The following LTF variants were observed in gnomAD, a reference collection of about 807,000 sequenced individuals.
LTF encodes lactotransferrin.
LTF carries 91 observed loss-of-function variants against 87.2 expected under a neutral mutation model. The observed-to-expected ratio is 1.04, with a 90% CI of 0.88 to 1.24. LTF has a LOEUF of 1.24. LTF is among the 50% of genes most tolerant of loss of function. The probability of loss-of-function intolerance (pLI) is 0.00; values close to 1 mark genes in which losing one functional copy is unlikely to be tolerated. For missense variants in LTF, 901 were observed against 904.3 expected, an observed-to-expected ratio of 1.00 and a Z score of 0.05; for synonymous variants, 378 against 356.1, an observed-to-expected ratio of 1.06 and a Z score of -0.69.
At chr3:46,463,906 T>G (rs1354345218) in intron 1 of LTF, among the ~76,000 whole-genome samples, 1 of 152,186 alleles carries the variant, frequency 6.6e-6, no homozygotes, top group Non-Finnish European at 1.5e-5. Context: ...GGGCTCCCAC[T>G]GCTGCTCTCT....
At position 46,450,659 on chromosome 3, in the gene LTF, C is replaced by T. The variant is rs74762169; in HGVS notation, c.718G>A (p.Glu240Lys). The T allele has an allele frequency of 1.5e-4, 244 of 1,611,218 alleles. 1 individual carries two copies. The East Asian group carries it at 5.3e-3, about 35-fold the overall frequency. Residue 240 changes from glutamate to lysine, a missense_variant, in exon 7 of 17, where the codon GAG (glutamate) becomes AAG (lysine). By Grantham distance (56) the Glu-to-Lys change is moderately conservative. Coordinates refer to ENST00000231751, the MANE Select transcript of LTF (RefSeq NM_002343.6). ...ESTVFEDLSD[E>K]AERDEYELLC... ...AACTCATACTCGTCCCTTTCAGCCT[C>T]GTCTGACAGGTCCTCTGCAGGGAAG...
At position 46,446,625 on chromosome 3, in the gene LTF, G is replaced by C. The variant is rs986355651; in HGVS notation, c.1304-132C>G. On this transcript the variant is annotated intron_variant, in intron 10 of 16. Coordinates refer to ENST00000231751, the MANE Select transcript of LTF (RefSeq NM_002343.6). Reference sequence around the variant, plus strand: ...CAGCAGTTCCATGCAGGAGAAATGCGTCTATATGTTCAACAAAAGACATGG... The same window carrying C: ...CAGCAGTTCCATGCAGGAGAAATGCCTCTATATGTTCAACAAAAGACATGG... 7 of 673,558 alleles carry C rather than the reference G, an allele frequency of 1.0e-5. No homozygotes were observed. In the African/African-American group the frequency reaches 1.3e-4, roughly 12 times the overall value. 41.7% of individuals were successfully genotyped at this position (673,558 alleles called of 1,614,324 possible).
chr3:46,482,621 A>AAAGAAAGAAAGAAAG (rs1703455083), intron 1 of LTF, among the ~76,000 whole-genome samples: 2 of 51,974 alleles, frequency 3.8e-5, no homozygotes, highest in Non-Finnish European at 4.0e-5. Context: ...AGAAAGAAAG[A>AAAGAAAGAAAGAAAG]AAGAAAGAAA....
intron 6 of LTF, 54 bp downstream of exon 6, chr3:46,454,251 T>A: frequency 6.6e-7 from 1 of 1,511,424 alleles, no homozygotes; most frequent in Non-Finnish European, 9.2e-7. Flanking sequence ...GTCAGAGTCA[T>A]GATCAAGTAA....
chr3:46,453,883 G>C (rs939387392), intron 6 of LTF: 2 of 176,674 alleles, frequency 1.1e-5, no homozygotes, highest in Admixed American at 1.1e-4. Context: ...TCAACTGTTA[G>C]GACCCCTGAG....
chr3:46,448,215 T>C (rs537163060), intron 9 of LTF, among the ~76,000 whole-genome samples: 1 of 152,044 alleles, frequency 6.6e-6, no homozygotes, highest in South Asian at 2.1e-4. Context: ...ATAATAATAA[T>C]AATTATGCAG....
At chr3:46,464,408 G>A (rs899472002) in intron 1 of LTF, among the ~76,000 whole-genome samples, 3 of 152,176 alleles carry the variant, frequency 2.0e-5, no homozygotes, top group Admixed American at 1.3e-4. Context: ...ATAAAGGCTC[G>A]GTCTTGCTGG....
chr3:46,477,031 A>G (rs1456382042), intron 1 of LTF, among the ~76,000 whole-genome samples: 2 of 152,202 alleles, frequency 1.3e-5, no homozygotes, highest in African/African-American at 4.8e-5. Flanking sequence ...TGTACTTAGG[A>G]ATGGAGTTTT....
At chr3:46,449,780 A>T in intron 8 of LTF, 74 bp downstream of exon 8, 1 of 1,540,516 alleles carries the variant, frequency 6.5e-7, no homozygotes, top group Non-Finnish European at 8.9e-7. Flanking sequence ...AGTGACCGCC[A>T]CAAAGTAGGG....
intron 13 of LTF, among the ~76,000 whole-genome samples, chr3:46,443,051 T>C (rs545772604): frequency 6.6e-6 from 1 of 152,322 alleles, no homozygotes; most frequent in East Asian, 1.9e-4. Context: ...ACCTAAGCCA[T>C]AGTCATGACC....
chr3:46,484,690 A>G (rs1703494240), intron 1 of LTF, among the ~76,000 whole-genome samples: 1 of 152,238 alleles, frequency 6.6e-6, no homozygotes, highest in South Asian at 2.1e-4. Context: ...CAAGAACATT[A>G]AAAGTGCCCA....
At chr3:46,441,891 A>G in intron 13 of LTF, 1 of 171,008 alleles carries the variant, frequency 5.8e-6, no homozygotes, top group Non-Finnish European at 1.2e-5. Context: ...TGAAACTGTG[A>G]TAGCACCCAG....
chr3:46,469,151 G>A (rs1703251982), upstream of LTF, among the ~76,000 whole-genome samples: 1 of 152,236 alleles, frequency 6.6e-6, no homozygotes, highest in Non-Finnish European at 1.5e-5. Context: ...TGTGAGTTAA[G>A]ACAGTCACTC....
intron 5 of LTF, among the ~76,000 whole-genome samples, chr3:46,454,794 G>A (rs896676135): frequency 6.6e-6 from 1 of 152,140 alleles, no homozygotes; most frequent in Non-Finnish European, 1.5e-5. Flanking sequence ...CTCAGCCTCC[G>A]CGTGGGGGCA....
chr3:46,476,301 T>C (rs750000608), intron 1 of LTF, among the ~76,000 whole-genome samples: 62 of 152,246 alleles, frequency 4.1e-4, no homozygotes, highest in Admixed American at 2.4e-3. Flanking sequence ...ATGATATCTA[T>C]TTGCTGTTGG....
chr3:46,460,587 C>G, intron 1 of LTF: 1 of 455,426 alleles, frequency 2.2e-6, no homozygotes, highest in South Asian at 1.6e-5. Flanking sequence ...TAAAAGGCAT[C>G]CACAAAAAAC....
At position 46,448,982 on chromosome 3, in the gene LTF, C is replaced by A. The variant is rs112765886; in HGVS notation, c.1093G>T (p.Val365Leu). 1.1e-5 allele frequency: 17 copies of A among 1,612,200 alleles called. No individual in the cohort carries two copies. The highest frequency in any genetic ancestry group is 1.4e-5 in the Non-Finnish European group (16 of 1,179,396). Residue 365 changes from valine to leucine, a missense_variant, in exon 9 of 17, where the codon GTG becomes TTG. Coordinates refer to ENST00000231751, the MANE Select transcript of LTF (RefSeq NM_002343.6). ...TCCTGCTCGCCCACCGCACACCACA[C>A]GACCCGCGCACGCCGGGCAGCCACT... ...EEVAARRARV[V>L]WCAVGEQELR...
rs2106846823 is a variant in LTF, at chr3:46,445,199, C to T, written c.1513+82G>A. The stretch of plus-strand genomic sequence containing the variant: ...GCCACTATCAGCCTGCAAATCCCCT[C>T]CCCTCCCTTCCCTAAGGTTCCACAG... On this transcript the variant is annotated intron_variant, in intron 12 of 16. Coordinates refer to ENST00000231751, the MANE Select transcript of LTF (RefSeq NM_002343.6). The T allele has an allele frequency of 2.9e-6, 4 of 1,375,406 alleles. No individual in the cohort carries two copies. In the East Asian group the frequency reaches 9.8e-5, roughly 34 times the overall value. The allele number at this position is 1,375,406 out of a possible 1,614,324, so 85.2% of individuals were successfully genotyped here.
Position 46,449,844 on chromosome 3 carries a change from G to A in LTF, c.1057+10C>T, listed in dbSNP as rs751455459. The A allele has an allele frequency of 6.2e-7, 1 of 1,613,772 alleles. No homozygotes were observed. Among genetic ancestry groups the A allele is most frequent in the Non-Finnish European group, 8.5e-7 (1 of 1,179,866 alleles). On this transcript the variant is annotated intron_variant, in intron 8 of 16. Coordinates refer to ENST00000231751, the MANE Select transcript of LTF (RefSeq NM_002343.6). ...CAGGCGGACCTCAGGACCCTCCTGG[G>A]CTCACTCACTTTTCCTCAAGTTCTG...
Sources: gnomAD v4.1 joint callset for allele counts (sites outside exome capture counted in the v4.1 genomes callset) on GRCh38, gnomAD v4.1.1 for gene constraint, MANE v1.5 for transcripts, NCBI Gene and HGNC (gene_info 2026-07-23, HGNC 2026-07-21) for gene names.